Variants in EXD3 observed in about 807,000 individuals in gnomAD.
The protein encoded by EXD3 is exonuclease 3'-5' domain containing 3.
A neutral mutation model predicts 98.0 loss-of-function variants in EXD3; 92 were observed. That is an observed-to-expected ratio of 0.94 (90% CI 0.79 to 1.12). The LOEUF (loss-of-function observed/expected upper bound fraction) is 1.12, where lower values mean the gene tolerates loss of function less well. EXD3 is among the 50% of genes most tolerant of loss of function. The probability of loss-of-function intolerance (pLI) is 0.00; values close to 1 mark genes in which losing one functional copy is unlikely to be tolerated. For synonymous variants in EXD3, 569 were observed against 526.0 expected (o/e 1.08, Z -1.12); for missense variants, 1,222 against 1,191.6 (o/e 1.03, Z -0.38).
intron 1 of EXD3, among the ~76,000 whole-genome samples, chr9:137,398,506 C>T (rs2131780107): frequency 6.6e-6 from 1 of 152,242 alleles, no homozygotes; most frequent in East Asian, 1.9e-4. Context: ...CCCCATGACA[C>T]ATGTGCACCC....
chr9:137,328,554 G>C (rs913185815), intron 17 of EXD3, among the ~76,000 whole-genome samples: 1 of 149,396 alleles, frequency 6.7e-6, no homozygotes, highest in Admixed American at 6.6e-5. Flanking sequence ...ACGGGTCAAA[G>C]GGAAGAAACA....
At chr9:137,355,827 C>T (rs1834751123) in intron 8 of EXD3, among the ~76,000 whole-genome samples, 1 of 152,148 alleles carries the variant, frequency 6.6e-6, no homozygotes, top group Non-Finnish European at 1.5e-5. Context: ...ATGGAAGGGG[C>T]CTCAGTGCAT....
Position 137,324,148 on chromosome 9 carries a change from G to A in EXD3, c.1999-5C>T, listed in dbSNP as rs1832253535. 1.3e-6 allele frequency: 2 copies of A among 1,573,982 alleles called. No individual in the cohort carries two copies. Among genetic ancestry groups the A allele is most frequent in the East Asian group, 2.3e-5 (1 of 42,714 alleles). On this transcript the variant is annotated splice_region_variant and splice_polypyrimidine_tract_variant and intron_variant, in intron 17 of 21. Transcript: ENST00000340951. The surrounding 1 kb of genome is among the most constrained non-coding windows in gnomAD (Gnocchi z 4.1). ...CCTCCCCTCCTGCCTGGCAACCTGTGTGGGAGGTGCGACCAGCACATAAAG... is the reference window on the plus strand; with the variant it reads ...CCTCCCCTCCTGCCTGGCAACCTGTATGGGAGGTGCGACCAGCACATAAAG...
At chr9:137,312,843 G>A (rs533682834) in intron 19 of EXD3, among the ~76,000 whole-genome samples, 1 of 152,280 alleles carries the variant, frequency 6.6e-6, no homozygotes, top group South Asian at 2.1e-4. Flanking sequence ...AGCTGAAGGG[G>A]CCAGCGCTGG....
intron 8 of EXD3, 69 bp from the exon 9 acceptor site, chr9:137,354,842 G>T: frequency 6.8e-7 from 1 of 1,479,120 alleles, no homozygotes; most frequent in Non-Finnish European, 9.1e-7. Context: ...TCTGGGGCGG[G>T]CTGGAGACGG....
chr9:137,329,797 CT>C (rs1832869004), intron 17 of EXD3, among the ~76,000 whole-genome samples: 1 of 62,784 alleles, frequency 1.6e-5, no homozygotes, highest in Non-Finnish European at 3.2e-5. Context: ...CTACACGGGA[CT>C]ACACGGGGTC....
rs200009283 is a variant in EXD3, at chr9:137,324,184, C to A, written c.1999-41G>T. 6.5e-7 allele frequency: 1 copy of A among 1,533,762 alleles called. No homozygotes were observed. The highest frequency in any genetic ancestry group is 1.2e-5 in the South Asian group (1 of 83,706). On this transcript the variant is annotated intron_variant, in intron 17 of 21. Coordinates refer to ENST00000340951, the MANE Select transcript of EXD3 (RefSeq NM_017820.5). This position sits in a 1 kb window ranked among gnomAD's most constrained non-coding sequence, Gnocchi z 4.1. ...GACCAGCACATAAAGGGGGCAGCTCCGTGCTCCTGGACTGGGCCACCTCTG... is the reference window on the plus strand; with the variant it reads ...GACCAGCACATAAAGGGGGCAGCTCAGTGCTCCTGGACTGGGCCACCTCTG...
intron 17 of EXD3, among the ~76,000 whole-genome samples, chr9:137,335,798 C>G (rs1053964677): frequency 6.6e-6 from 1 of 152,018 alleles, no homozygotes; most frequent in African/African-American, 2.4e-5. Context: ...GAGTATCTAC[C>G]CAAAGGAAAA....
intron 19 of EXD3, among the ~76,000 whole-genome samples, chr9:137,320,927 G>A (rs957588228): frequency 6.6e-6 from 1 of 152,256 alleles, no homozygotes; most frequent in African/African-American, 2.4e-5. Context: ...CACAGACAAA[G>A]AGAGGCAGCG....
At chr9:137,357,230 C>T (rs1176862600) in intron 7 of EXD3, 42 of 152,180 alleles carry the variant, frequency 2.8e-4, no homozygotes, top group Admixed American at 2.8e-3. Flanking sequence ...GGGTCTCTCT[C>T]CACCCACCTT....
chr9:137,362,506 A>ATTTTT (rs35995834), intron 7 of EXD3, among the ~76,000 whole-genome samples: 6 of 143,314 alleles, frequency 4.2e-5, no homozygotes, highest in African/African-American at 1.5e-4. Flanking sequence ...GAACTTCCTC[A>ATTTTT]TTTTTTTTTT....
At chr9:137,408,813 C>T (rs1837859917) in intron 1 of EXD3, among the ~76,000 whole-genome samples, 2 of 152,214 alleles carry the variant, frequency 1.3e-5, no homozygotes, top group Admixed American at 1.3e-4. Context: ...GGAAGCCAGG[C>T]CAGCGGGCGC....
At chr9:137,380,926 C>T (rs562383513) in intron 3 of EXD3, among the ~76,000 whole-genome samples, 6,268 of 130,766 alleles carry the variant, frequency 0.048, 154 homozygotes, top group Middle Eastern at 0.13. Flanking sequence ...ATGGTGAAAC[C>T]CTGTCTCTAC....
At chr9:137,327,365 C>A (rs2024781335) in intron 17 of EXD3, among the ~76,000 whole-genome samples, 3 of 152,078 alleles carry the variant, frequency 2.0e-5, no homozygotes, top group Non-Finnish European at 4.4e-5. Context: ...GACCTCCTGA[C>A]CTTGTGATCC....
chr9:137,348,226 C>T lies in EXD3; in HGVS notation c.1843G>A (p.Val615Met). 1 of 1,611,564 alleles carries T rather than the reference C, an allele frequency of 6.2e-7. No homozygotes were observed. The highest frequency in any genetic ancestry group is 8.5e-7 in the Non-Finnish European group (1 of 1,179,498). Residue 615 changes from valine to methionine, a missense_variant, in exon 17 of 22, where the codon GTG becomes ATG. Coordinates refer to ENST00000340951, the MANE Select transcript of EXD3 (RefSeq NM_017820.5). ...GGGGCAGCGCCCTCAGACACAGCCA[C>T]AGCCACAGGGACCTGCAGTGAGGCC... ...PAAPRQVPVA[V>M]AVSEGAAPQI...
At chr9:137,417,151 G>A (rs1188118505) in intron 1 of EXD3, among the ~76,000 whole-genome samples, 1 of 152,182 alleles carries the variant, frequency 6.6e-6, no homozygotes, top group Non-Finnish European at 1.5e-5. Flanking sequence ...AGGGAGGGGC[G>A]CCCACCAGAC....
Position 137,395,720 on chromosome 9 carries a change from T to G in EXD3, c.-47-316A>C, listed in dbSNP as rs1837185750. On this transcript the variant is annotated intron_variant, in intron 1 of 21. Coordinates refer to ENST00000340951, the MANE Select transcript of EXD3 (RefSeq NM_017820.5). The surrounding 1 kb of genome is among the most constrained non-coding windows in gnomAD (Gnocchi z 6.5). ...GCGGGAGTGCAGAGGGGCCTGTTCT[T>G]GAGGACAGCGTGACCCCCCTTGCCA... is the stretch of plus-strand genomic sequence containing the variant. 2.0e-5 allele frequency among the ~76,000 whole-genome samples: 3 copies of G among 152,024 alleles called. No individual in the cohort carries two copies. Among genetic ancestry groups the G allele is most frequent in the Non-Finnish European group, 4.4e-5 (3 of 67,978 alleles).
rs1835739086 is a variant in EXD3, at chr9:137,373,420, G to A, written c.294+6C>T. On this transcript the variant is annotated splice_donor_region_variant and intron_variant, in intron 4 of 21. Transcript: ENST00000340951. ...GAGGTGACTGTCACAGAACCCATGG[G>A]CTCACCTGGGCCAGGCTCGGGCATG... The A allele has an allele frequency of 6.2e-7, 1 of 1,604,642 alleles. No homozygotes were observed. The highest frequency in any genetic ancestry group is 8.5e-7 in the Non-Finnish European group (1 of 1,179,098).
At chr9:137,329,627 C>T (rs1261156703) in intron 17 of EXD3, among the ~76,000 whole-genome samples, 2 of 35,626 alleles carry the variant, frequency 5.6e-5, no homozygotes, top group African/African-American at 1.6e-4. Flanking sequence ...CTACACGGGA[C>T]TACACGGGAC....
Sources: gnomAD v4.1 joint callset for allele counts (sites outside exome capture counted in the v4.1 genomes callset) on GRCh38, gnomAD v4.1.1 for gene constraint, Gnocchi (gnomAD v3.1) non-coding constraint, MANE v1.5 for transcripts, NCBI Gene and HGNC (gene_info 2026-07-23, HGNC 2026-07-21) for gene names.